RUFY1: variants seen among roughly 807,000 people sequenced by gnomAD.
RUFY1 encodes RUN and FYVE domain-containing protein 1.
RUFY1 carries 54 observed loss-of-function variants against 94.6 expected under a neutral mutation model. The ratio of observed to expected loss-of-function variants is 0.57; its 90% confidence interval spans 0.46 to 0.72. The LOEUF (loss-of-function observed/expected upper bound fraction) is 0.72, where lower values mean the gene tolerates loss of function less well. RUFY1 is among the 30% of genes least tolerant of loss of function. The probability of loss-of-function intolerance (pLI) is 0.00; values close to 1 mark genes in which losing one functional copy is unlikely to be tolerated. For missense variants in RUFY1, 883 were observed against 883.9 expected (o/e 1.00, Z 0.01); for synonymous variants, 396 against 347.3 (o/e 1.14, Z -1.56).
intron 1 of RUFY1, 126 bp downstream of exon 1, chr5:179,551,005 G>T: frequency 1.2e-6 from 1 of 830,838 alleles, no homozygotes; most frequent in Non-Finnish European, 1.5e-6. Context: ...GCTGTTGGCG[G>T]GCGGGCGGCG....
intron 2 of RUFY1, among the ~76,000 whole-genome samples, chr5:179,561,063 T>C (rs542013633): frequency 1.8e-4 from 27 of 151,952 alleles, no homozygotes; most frequent in Non-Finnish European, 4.0e-4. Context: ...ACACAAAAAT[T>C]AGCCGGGCGT....
intron 15 of RUFY1, chr5:179,602,219 A>G (rs956068119): frequency 1.9e-6 from 1 of 531,358 alleles, no homozygotes; most frequent in East Asian, 3.1e-5. Flanking sequence ...AAGCACGTTC[A>G]TTCCTAGTGA....
At chr5:179,579,657 C>CTTTTTTTTTTGTTTTTTTTTTTT (rs1763946591) in intron 6 of RUFY1, among the ~76,000 whole-genome samples, 1 of 50,548 alleles carries the variant, frequency 2.0e-5, no homozygotes, top group Non-Finnish European at 3.8e-5. Flanking sequence ...TTTTCTTCTT[C>CTTTTTTTTTTGTTTTTTTTTTTT]TTTTTTTTTT....
chr5:179,560,826 A>T (rs550985911), intron 2 of RUFY1, among the ~76,000 whole-genome samples: 1 of 152,202 alleles, frequency 6.6e-6, no homozygotes. Flanking sequence ...AGTTAACCTA[A>T]TTTGCTAAAA....
In RUFY1 at chr5:179,605,929, T is replaced by C. The variant is rs200335709; in HGVS notation, c.1905+5T>C. The C allele has an allele frequency of 1.9e-5, 30 of 1,599,034 alleles. No individual in the cohort carries two copies. The East Asian group carries it at 5.1e-4, about 27-fold the overall frequency. ...GAAGTGAACCAGGCACTGAAGGTAC[T>C]GCCTTGCTAAGAACCACTTCTTTGC... On this transcript the variant is annotated splice_donor_5th_base_variant and intron_variant, in intron 16 of 17. Coordinates refer to ENST00000319449, the MANE Select transcript of RUFY1 (RefSeq NM_025158.5).
At chr5:179,559,367 TG>T (rs1207541913) in intron 1 of RUFY1, among the ~76,000 whole-genome samples, 1 of 152,184 alleles carries the variant, frequency 6.6e-6, no homozygotes, top group Non-Finnish European at 1.5e-5. Flanking sequence ...AAAAACAAAG[TG>T]TGCGTAAAAC....
chr5:179,557,165 A>G (rs1762151566), intron 1 of RUFY1, among the ~76,000 whole-genome samples: 1 of 152,180 alleles, frequency 6.6e-6, no homozygotes, highest in African/African-American at 2.4e-5. Flanking sequence ...ACGGTGGCTC[A>G]TGCCTGTAAT....
intron 2 of RUFY1, among the ~76,000 whole-genome samples, chr5:179,561,618 GA>G (rs1581429137): frequency 1.4e-5 from 2 of 146,010 alleles, no homozygotes; most frequent in South Asian, 2.2e-4. Context: ...TGCCATCAAG[GA>G]AAAAAAGGGG....
chr5:179,608,093 C>T (rs1373559733), intron 17 of RUFY1, among the ~76,000 whole-genome samples: 3 of 152,126 alleles, frequency 2.0e-5, no homozygotes, highest in Non-Finnish European at 4.4e-5. Flanking sequence ...TTGCCCCTGC[C>T]CTTTAGGTTC....
At chr5:179,575,791 TG>T (rs2127532529) in intron 5 of RUFY1, among the ~76,000 whole-genome samples, 1 of 152,254 alleles carries the variant, frequency 6.6e-6, no homozygotes, top group Non-Finnish European at 1.5e-5. Context: ...TTGTTTTTTT[TG>T]TTTTGTTTTG....
intron 1 of RUFY1, among the ~76,000 whole-genome samples, chr5:179,553,858 A>G (rs910181541): frequency 2.0e-5 from 3 of 152,242 alleles, no homozygotes; most frequent in African/African-American, 7.2e-5. Context: ...AATGGTGACC[A>G]TGGCTTACAA....
At chr5:179,573,247 ATGAACT>A (rs1319967050) in intron 5 of RUFY1, among the ~76,000 whole-genome samples, 6 of 152,208 alleles carry the variant, frequency 3.9e-5, no homozygotes, top group African/African-American at 1.4e-4. Context: ...ATTCTGCCAG[ATGAACT>A]TGAACATCGT....
intron 5 of RUFY1, chr5:179,572,793 C>A (rs746599644): frequency 2.0e-5 from 3 of 153,148 alleles, no homozygotes; most frequent in Non-Finnish European, 4.4e-5. Flanking sequence ...CTGTGCTAAC[C>A]CAGGAAAGGC....
chr5:179,596,387 G>A, intron 12 of RUFY1, 175 bp from the exon 13 acceptor site: 1 of 801,198 alleles, frequency 1.2e-6, no homozygotes, highest in South Asian at 1.5e-5. Context: ...GGAGTTTTGG[G>A]AGTGGTGGGA....
At chr5:179,608,215 G>A in intron 17 of RUFY1, 2 of 852,660 alleles carry the variant, frequency 2.3e-6, no homozygotes, top group Non-Finnish European at 2.8e-6. Flanking sequence ...AAAACTGGGA[G>A]CTAAAGGAAA....
intron 7 of RUFY1, among the ~76,000 whole-genome samples, chr5:179,582,299 A>C (rs1177062025): frequency 6.6e-6 from 1 of 151,940 alleles, no homozygotes; most frequent in Non-Finnish European, 1.5e-5. Flanking sequence ...ATCGTGGCTC[A>C]CTGCAGCCTC....
chr5:179,554,065 G>C (rs1761989847), intron 1 of RUFY1, among the ~76,000 whole-genome samples: 1 of 152,168 alleles, frequency 6.6e-6, no homozygotes, highest in African/African-American at 2.4e-5. Context: ...CAGGCCCAAG[G>C]CTGACTCATT....
intron 8 of RUFY1, among the ~76,000 whole-genome samples, chr5:179,588,871 C>T (rs1002527630): frequency 1.3e-5 from 2 of 152,156 alleles, no homozygotes; most frequent in African/African-American, 2.4e-5. Context: ...GCTGGAATTA[C>T]AGGCATGAGA....
intron 16 of RUFY1, chr5:179,606,268 G>A (rs932756647): frequency 1.6e-5 from 5 of 321,500 alleles, no homozygotes; most frequent in South Asian, 6.6e-5. Context: ...TTCTGTTGAA[G>A]TGAGGGGCCA....
Sources: allele counts gnomAD v4.1 joint callset (sites outside exome capture counted in the v4.1 genomes callset), GRCh38; gene constraint gnomAD v4.1.1; transcripts MANE v1.5; gene names NCBI Gene and HGNC (gene_info 2026-07-23, HGNC 2026-07-21).